DTWD2: variants seen among roughly 807,000 people sequenced by gnomAD.
DTWD2 encodes tRNA-uridine aminocarboxypropyltransferase 2.
In DTWD2, 39 loss-of-function variants were observed where a neutral mutation model predicts 31.8. That is an observed-to-expected ratio of 1.22 (90% CI 0.95 to 1.60). The LOEUF (loss-of-function observed/expected upper bound fraction) is 1.60, where lower values mean the gene tolerates loss of function less well. Ranked by LOEUF, DTWD2 falls within the 40% of genes most tolerant of loss-of-function variation. DTWD2 has a pLI of 0.00. For missense variants in DTWD2, 515 were observed against 381.5 expected (o/e 1.35, Z -2.92); for synonymous variants, 180 against 142.8 (o/e 1.26, Z -1.86).
At chr5:118,874,783 CAT>C (rs1330605797) in intron 4 of DTWD2, among the ~76,000 whole-genome samples, 1 of 150,778 alleles carries the variant, frequency 6.6e-6, no homozygotes, top group Non-Finnish European at 1.5e-5. Flanking sequence ...ACTTGGAAAA[CAT>C]ATTTCAGGAT....
chr5:118,934,411 T>C (rs943744949), intron 3 of DTWD2, among the ~76,000 whole-genome samples: 2 of 145,166 alleles, frequency 1.4e-5, no homozygotes, highest in African/African-American at 5.1e-5. Flanking sequence ...AAAAGTAAAA[T>C]ACATGAAAAC....
intron 1 of DTWD2, among the ~76,000 whole-genome samples, chr5:118,961,447 T>A (rs575203785): frequency 6.6e-6 from 1 of 152,340 alleles, no homozygotes; most frequent in South Asian, 2.1e-4. Context: ...TAATTCACTA[T>A]ATGTTCTAAA....
At chr5:118,959,736 G>C (rs966929759) in intron 1 of DTWD2, among the ~76,000 whole-genome samples, 4 of 152,130 alleles carry the variant, frequency 2.6e-5, no homozygotes, top group African/African-American at 4.8e-5. Flanking sequence ...AAAACAGCAT[G>C]GTACTGGTAC....
At chr5:118,977,199 A>G (rs1200301445) in intron 1 of DTWD2, among the ~76,000 whole-genome samples, 2 of 152,192 alleles carry the variant, frequency 1.3e-5, no homozygotes, top group Non-Finnish European at 2.9e-5. Flanking sequence ...AAATAATAAG[A>G]GCTATTTATG....
At chr5:118,939,996 C>A (rs1001823546) in intron 2 of DTWD2, among the ~76,000 whole-genome samples, 1 of 152,150 alleles carries the variant, frequency 6.6e-6, no homozygotes, top group Non-Finnish European at 1.5e-5. Flanking sequence ...TGTAAATACT[C>A]CCCCCTCCTG....
chr5:118,957,254 C>T (rs144832639), intron 1 of DTWD2, among the ~76,000 whole-genome samples: 2 of 151,640 alleles, frequency 1.3e-5, no homozygotes, highest in Non-Finnish European at 2.9e-5. Flanking sequence ...CATAGTCTTG[C>T]TCTGTCACCC....
Position 118,988,531 on chromosome 5 carries a change from C to T in DTWD2, c.-20G>A, listed in dbSNP as rs1320531865. The T allele has an allele frequency of 8.0e-6, 12 of 1,502,192 alleles. No individual in the cohort carries two copies. Among genetic ancestry groups the T allele is most frequent in the South Asian group, 6.4e-5 (5 of 77,554 alleles). The allele number at this position is 1,502,192 out of a possible 1,614,324, so 93.1% of individuals were successfully genotyped here. ...CTCCATGGCGGACACTCCGGTCAGG[C>T]CGTGGCATTGAAGCCCGGCTGCCGC... On this transcript the variant is annotated 5_prime_UTR_variant, in exon 1 of 6. Transcript: ENST00000510708.
intron 4 of DTWD2, among the ~76,000 whole-genome samples, chr5:118,901,395 T>C (rs901979427): frequency 2.6e-5 from 4 of 152,068 alleles, no homozygotes; most frequent in African/African-American, 4.8e-5. Context: ...AACCAGACAA[T>C]ACAGTTTCAC....
At chr5:118,938,808 CAAAAAAA>C (rs373505051) in intron 3 of DTWD2, among the ~76,000 whole-genome samples, 1 of 27,884 alleles carries the variant, frequency 3.6e-5, no homozygotes, top group Non-Finnish European at 8.2e-5. Flanking sequence ...AGAACCCTAC[CAAAAAAA>C]AAAAAAAAAA....
intron 1 of DTWD2, among the ~76,000 whole-genome samples, chr5:118,976,451 A>G (rs1289209710): frequency 6.6e-6 from 1 of 151,922 alleles, no homozygotes; most frequent in African/African-American, 2.4e-5. Context: ...AGCCAGACTA[A>G]TAAAGAAGAA....
chr5:118,980,719 G>A (rs1234933826), intron 1 of DTWD2, among the ~76,000 whole-genome samples: 2 of 152,190 alleles, frequency 1.3e-5, no homozygotes, highest in Non-Finnish European at 2.9e-5. Context: ...AATGTAGGTG[G>A]TGCAGCTACT....
chr5:118,921,679 T>C (rs1003199448), intron 4 of DTWD2, among the ~76,000 whole-genome samples: 4 of 152,200 alleles, frequency 2.6e-5, no homozygotes, highest in African/African-American at 7.2e-5. Context: ...GCTGTGGCAC[T>C]AATTTAAAGC....
intron 4 of DTWD2, among the ~76,000 whole-genome samples, chr5:118,912,545 A>G (rs561798745): frequency 6.6e-6 from 1 of 152,242 alleles, no homozygotes; most frequent in African/African-American, 2.4e-5. Flanking sequence ...TTCTCACTTC[A>G]GGTCCTTTGC....
intron 3 of DTWD2, among the ~76,000 whole-genome samples, chr5:118,938,808 C>CAA (rs373505051): frequency 1.1e-4 from 3 of 27,848 alleles, no homozygotes; most frequent in Admixed American, 4.2e-4. Flanking sequence ...AGAACCCTAC[C>CAA]AAAAAAAAAA....
At position 118,988,539 on chromosome 5, in the gene DTWD2, T is replaced by G. The variant is rs746187223; in HGVS notation, c.-28A>C. 3.4e-6 allele frequency: 5 copies of G among 1,485,802 alleles called. No homozygotes were observed. The highest frequency in any genetic ancestry group is 2.5e-5 in the Admixed American group (1 of 39,674). 92.0% of individuals were successfully genotyped at this position (1,485,802 alleles called of 1,614,324 possible). A position where few individuals can be genotyped will look rare whatever the true frequency, so the allele number is the denominator to read the frequency against. The stretch of plus-strand genomic sequence containing the variant: ...CGGACACTCCGGTCAGGCCGTGGCA[T>G]TGAAGCCCGGCTGCCGCCGGGGGGC... On this transcript the variant is annotated 5_prime_UTR_variant, in exon 1 of 6. It removes an upstream start codon present in the reference 5' UTR. Coordinates refer to ENST00000510708, the MANE Select transcript of DTWD2 (RefSeq NM_173666.4).
At position 118,840,963 on chromosome 5, in the gene DTWD2, C is replaced by T. The variant is rs769159957; in HGVS notation, c.851G>A (p.Arg284His). 16 of 1,613,370 alleles carry T rather than the reference C, an allele frequency of 9.9e-6. No individual in the cohort carries two copies. Among genetic ancestry groups the T allele is most frequent in the Admixed American group, 5.0e-5 (3 of 59,928 alleles). Residue 284 changes from arginine (R) to histidine (H), a missense_variant, in exon 6 of 6, where the codon CGC becomes CAC. Physicochemically the swap from Arg to His is conservative, Grantham distance 29. Transcript: ENST00000510708. ...LYPKPMPKNK[R>H]KLRKMELLMN... ...TAACAATTCCATTTTCCTGAGTTTG[C>T]GTTTGTTCTTTGGCATTGGTTTAGG...
chr5:118,895,687 G>A (rs1275423609), intron 4 of DTWD2, among the ~76,000 whole-genome samples: 2 of 152,138 alleles, frequency 1.3e-5, no homozygotes, highest in African/African-American at 4.8e-5. Context: ...ACAGAATACA[G>A]TACCCAGAAA....
chr5:118,840,717 A>T lies in DTWD2; in HGVS notation c.*200T>A. 2.1e-6 allele frequency: 1 copy of T among 484,824 alleles called. No homozygotes were observed. 30.0% of individuals were successfully genotyped at this position (484,824 alleles called of 1,614,324 possible). On this transcript the variant is annotated 3_prime_UTR_variant, in exon 6 of 6. Coordinates refer to ENST00000510708, the MANE Select transcript of DTWD2 (RefSeq NM_173666.4). ...ATTTTTAAAAACAAGTACAGTAGGAAATCCTGCTTTTCAGTGAGCCAGTGA... is the reference window on the plus strand; with the variant it reads ...ATTTTTAAAAACAAGTACAGTAGGATATCCTGCTTTTCAGTGAGCCAGTGA...
intron 1 of DTWD2, among the ~76,000 whole-genome samples, chr5:118,961,476 A>G (rs1286580814): frequency 6.6e-6 from 1 of 151,848 alleles, no homozygotes; most frequent in Non-Finnish European, 1.5e-5. Context: ...TTTCTTAATC[A>G]TTTTTGTATT....
Sources: gnomAD v4.1 joint callset for allele counts (sites outside exome capture counted in the v4.1 genomes callset) on GRCh38, gnomAD v4.1.1 for gene constraint, MANE v1.5 for transcripts, NCBI Gene and HGNC (gene_info 2026-07-23, HGNC 2026-07-21) for gene names.